LAMP2: variants seen among roughly 807,000 people sequenced by gnomAD.
LAMP2 encodes lysosome-associated membrane glycoprotein 2.
In LAMP2, 4 loss-of-function variants were observed where a neutral mutation model predicts 25.6. That is an observed-to-expected ratio of 0.16 (90% confidence interval 0.08 to 0.36). The LOEUF is 0.36. Ranked by LOEUF, LAMP2 falls within the 10% of genes least tolerant of loss-of-function variation. The probability of loss-of-function intolerance (pLI) is 1.00; values close to 1 mark genes in which losing one functional copy is unlikely to be tolerated. For synonymous variants in LAMP2, 108 were observed against 112.7 expected (o/e 0.96, Z 0.27); for missense variants, 272 against 301.4 (o/e 0.90, Z 0.72).
chrX:120,435,339 A>AC (rs2058538613), intron 8 of LAMP2, among the ~76,000 whole-genome samples: 1 of 112,009 alleles, frequency 8.9e-6, no homozygotes, highest in African/African-American at 3.2e-5. Flanking sequence ...AATACAAGAA[A>AC]TGGTGATTAT....
chrX:120,464,133 T>C (rs1236233202), intron 1 of LAMP2, among the ~76,000 whole-genome samples: 2 of 111,274 alleles, frequency 1.8e-5, no homozygotes, highest in Admixed American at 1.9e-4. Context: ...ATTCTCCATA[T>C]TACCCCCTTC....
intron 1 of LAMP2, among the ~76,000 whole-genome samples, chrX:120,468,756 G>A (rs1259926606): frequency 9.1e-6 from 1 of 110,392 alleles, no homozygotes; most frequent in African/African-American, 3.3e-5. Context: ...ATTGTCTCTG[G>A]CGCCCAAAAT....
chrX:120,428,311 T>A lies in LAMP2; in HGVS notation c.*3012A>T. 2 of 506,449 alleles carry A rather than the reference T, an allele frequency of 3.9e-6. No individual in the cohort carries two copies. Among genetic ancestry groups the A allele is most frequent in the Non-Finnish European group, 5.6e-6 (2 of 355,841 alleles). 41.7% of individuals were successfully genotyped at this position (506,449 alleles called of 1,213,427 possible). ...AGGAAGAAAAAAAACAGAAAAAAAT[T>A]GGTCCTAATATATTTTGTCTTAAAT... On this transcript the variant is annotated 3_prime_UTR_variant, in exon 9 of 9. Transcript: ENST00000200639.
rs549167903 is a variant in LAMP2 at position 120,432,061 on chromosome X, G to A, written c.1094-599C>T. Among the ~76,000 whole-genome samples, 5 of 111,179 alleles carry A rather than the reference G, an allele frequency of 4.5e-5. No individual in the cohort carries two copies. In the South Asian group the frequency reaches 1.9e-3, roughly 42 times the overall value. ...TTCAAAATGTGTTGTGGTAGGAGTA[G>A]GCAACACAAAGTGCCATGGAAAAAT... is the stretch of plus-strand genomic sequence containing the variant. On this transcript the variant is annotated intron_variant, in intron 8 of 8. Coordinates refer to ENST00000200639, the MANE Select transcript of LAMP2 (RefSeq NM_002294.3).
Position 120,430,343 on chromosome X carries a change from C to T in LAMP2, c.*980G>A, listed in dbSNP as rs1265890497. ...AGGGGCCATCTTGAAGAAACAAGAGCCTAGTTGCTATGCTTCACTGCCTCC... is the reference window on the plus strand; with the variant it reads ...AGGGGCCATCTTGAAGAAACAAGAGTCTAGTTGCTATGCTTCACTGCCTCC... On this transcript the variant is annotated 3_prime_UTR_variant, in exon 9 of 9. Transcript: ENST00000200639. 2.4e-5 allele frequency: 18 copies of T among 753,441 alleles called. No individual in the cohort carries two copies. The highest frequency in any genetic ancestry group is 8.7e-5 in the Admixed American group (1 of 11,504). The allele number at this position is 753,441 out of a possible 1,213,427, so 62.1% of individuals were successfully genotyped here. A position where few individuals can be genotyped will look rare whatever the true frequency, so the allele number is the denominator to read the frequency against.
rs2058513667 is a variant in LAMP2 at position 120,429,387 on chromosome X, C to T, written c.*1936G>A. On this transcript the variant is annotated 3_prime_UTR_variant, in exon 9 of 9. Transcript: ENST00000200639. ...GGCAAGTTATTTAAACTGGGCCTCACTTTCCTCATCTGTAAGAAGGGGATA... is the reference window on the plus strand; with the variant it reads ...GGCAAGTTATTTAAACTGGGCCTCATTTTCCTCATCTGTAAGAAGGGGATA... 4 of 563,359 alleles carry T rather than the reference C, an allele frequency of 7.1e-6. No individual in the cohort carries two copies. Among genetic ancestry groups the T allele is most frequent in the Non-Finnish European group, 8.5e-6 (4 of 469,147 alleles). 46.4% of individuals were successfully genotyped at this position (563,359 alleles called of 1,213,427 possible).
rs138991195 is a variant in LAMP2 at position 120,447,996 on chromosome X, T to C, written c.586A>G (p.Thr196Ala). 5.8e-6 allele frequency: 7 copies of C among 1,210,582 alleles called. No individual in the cohort carries two copies. In the South Asian group the frequency reaches 8.8e-5, roughly 15 times the overall value. Residue 196 changes from threonine (T) to alanine (A), a missense_variant, in exon 5 of 9, where the codon ACA (threonine) becomes GCA (alanine). Coordinates refer to ENST00000200639, the MANE Select transcript of LAMP2 (RefSeq NM_002294.3). ...EFLCDKDKTS[T>A]VAPTIHTTVP... ...GTGGTGTGTATGGTGGGTGCCACTG[T>C]TGAAGTTTTGTCTTTATCACACAGG...
In LAMP2 at chrX:120,428,680, AG is replaced by A; in HGVS notation, c.*2642del. 1 of 1,121,494 alleles carries A rather than the reference AG, an allele frequency of 8.9e-7. No individual in the cohort carries two copies. Among genetic ancestry groups the A allele is most frequent in the Non-Finnish European group, 1.2e-6 (1 of 856,464 alleles). 92.4% of individuals were successfully genotyped at this position (1,121,494 alleles called of 1,213,427 possible). A position where few individuals can be genotyped will look rare whatever the true frequency, so the allele number is the denominator to read the frequency against. ...AGGAAATTAGCAAAGAATGCAATTA[AG>A]TAGTAAAAAGCATGCAAGAAACATG... On this transcript the variant is annotated 3_prime_UTR_variant, in exon 9 of 9. Coordinates refer to ENST00000200639, the MANE Select transcript of LAMP2 (RefSeq NM_002294.3).
chrX:120,432,678 G>T (rs1241941214), intron 8 of LAMP2, among the ~76,000 whole-genome samples: 2 of 111,691 alleles, frequency 1.8e-5, no homozygotes, highest in East Asian at 2.8e-4. Flanking sequence ...TGTAGATGCT[G>T]GTGCCATTCT....
chrX:120,465,441 G>T (rs1921496328), intron 1 of LAMP2, among the ~76,000 whole-genome samples: 1 of 111,803 alleles, frequency 8.9e-6, no homozygotes, highest in African/African-American at 3.3e-5. Flanking sequence ...ATAAAGAAAG[G>T]ATTTTCACCC....
chrX:120,446,024 G>A (rs1013746058), intron 6 of LAMP2, among the ~76,000 whole-genome samples: 2 of 111,062 alleles, frequency 1.8e-5, no homozygotes, highest in African/African-American at 6.5e-5. Flanking sequence ...TGTGGGTTTC[G>A]TTTTTTTCTT....
At chrX:120,452,892 G>A (rs1217351303) in intron 3 of LAMP2, among the ~76,000 whole-genome samples, 1 of 110,064 alleles carries the variant, frequency 9.1e-6, no homozygotes, top group Non-Finnish European at 1.9e-5. Context: ...CTACATATGG[G>A]TTCAGGGACT....
chrX:120,444,825 G>A (rs2058589351), intron 6 of LAMP2, among the ~76,000 whole-genome samples: 1 of 111,701 alleles, frequency 9.0e-6, no homozygotes, highest in Admixed American at 9.5e-5. Flanking sequence ...TAACGCACTC[G>A]AATTCTATAA....
intron 1 of LAMP2, among the ~76,000 whole-genome samples, chrX:120,464,641 C>T (rs1009612971): frequency 8.9e-6 from 1 of 112,212 alleles, no homozygotes; most frequent in African/African-American, 3.2e-5. Context: ...CACCCGATAA[C>T]GGAAGGCCCT....
intron 1 of LAMP2, among the ~76,000 whole-genome samples, chrX:120,461,463 T>C (rs1048280800): frequency 1.8e-5 from 2 of 112,068 alleles, no homozygotes; most frequent in African/African-American, 6.5e-5. Context: ...AATTATAGTA[T>C]ACAGTAAGTA....
chrX:120,465,242 C>T (rs1921483575), intron 1 of LAMP2, among the ~76,000 whole-genome samples: 1 of 109,211 alleles, frequency 9.2e-6, no homozygotes, highest in South Asian at 4.0e-4. Context: ...CAGTAACATA[C>T]ACTAAGAATA....
chrX:120,455,698 T>TACACA, intron 2 of LAMP2, 128 bp from the exon 3 acceptor site: 2 of 525,002 alleles, frequency 3.8e-6, no homozygotes, highest in Non-Finnish European at 6.6e-6. Flanking sequence ...TTGCCTGGTT[T>TACACA]GCTGTGTAAA....
intron 7 of LAMP2, 64 bp from the exon 8 acceptor site, chrX:120,441,958 G>T: frequency 3.9e-6 from 4 of 1,038,257 alleles, no homozygotes; most frequent in Non-Finnish European, 5.4e-6. Context: ...GGGAAAGTTG[G>T]CCAGGCACAG....
chrX:120,446,342 C>T lies in LAMP2; in HGVS notation c.827G>A (p.Ser276Asn). Residue 276 changes from serine to asparagine, a missense_variant, in exon 6 of 9, where the codon AGC becomes AAC. Ser to Asn is a conservative substitution (Grantham distance 46, BLOSUM62 1). Transcript: ENST00000200639. ...AAAGTCTAGATACTTAATGGTGCTG[C>T]TATTGAGTCTAAGTAGAGCAGTGTG... ...RSHTALLRLN[S>N]STIKYLDFVF... The T allele has an allele frequency of 8.3e-7, 1 of 1,204,012 alleles. No individual in the cohort carries two copies. Among genetic ancestry groups the T allele is most frequent in the South Asian group, 1.8e-5 (1 of 56,830 alleles).
Sources: allele counts gnomAD v4.1 joint callset (sites outside exome capture counted in the v4.1 genomes callset), GRCh38; gene constraint gnomAD v4.1.1; transcripts MANE v1.5; gene names NCBI Gene and HGNC (gene_info 2026-07-23, HGNC 2026-07-21).